CA8: variants seen among roughly 807,000 people sequenced by gnomAD.
CA8 encodes carbonic anhydrase 8 (inactive).
In CA8, 22 loss-of-function variants were observed where a neutral mutation model predicts 41.4. That is an observed-to-expected ratio of 0.53 (90% CI 0.38 to 0.76). The LOEUF (loss-of-function observed/expected upper bound fraction) is 0.76, where lower values mean the gene tolerates loss of function less well. Among genes scored for constraint, CA8 ranks in the 30% least tolerant of loss-of-function variants. CA8 has a pLI of 0.00. For synonymous variants in CA8, 121 were observed against 130.6 expected (o/e 0.93, Z 0.50); for missense variants, 270 against 352.8 (o/e 0.77, Z 1.88).
At chr8:60,222,144 G>C (rs904214631) in intron 7 of CA8, among the ~76,000 whole-genome samples, 3 of 152,128 alleles carry the variant, frequency 2.0e-5, no homozygotes, top group African/African-American at 7.2e-5. Flanking sequence ...TACCATTTAG[G>C]GCACCTATGA....
chr8:60,226,354 G>C lies in CA8; in HGVS notation c.576+519C>G, dbSNP rs548025341. On this transcript the variant is annotated intron_variant, in intron 5 of 8. Transcript: ENST00000317995. ...AGCCTTGGGCCATCCTGTATTTATG[G>C]TGAACTCCTGTTGTTACATGTCTGA... Among the ~76,000 whole-genome samples, 3 of 152,218 alleles carry C rather than the reference G, an allele frequency of 2.0e-5. No homozygotes were observed. In the East Asian group the frequency reaches 5.8e-4, roughly 29 times the overall value.
intron 7 of CA8, among the ~76,000 whole-genome samples, chr8:60,215,358 TAC>T (rs144232916): frequency 0.11 from 15,498 of 143,984 alleles, 890 homozygotes; most frequent in East Asian, 0.17. Context: ...TGTGTGTGTA[TAC>T]ACACACACAC....
intron 3 of CA8, among the ~76,000 whole-genome samples, chr8:60,241,069 A>G (rs1423771289): frequency 6.6e-6 from 1 of 152,236 alleles, no homozygotes; most frequent in African/African-American, 2.4e-5. Context: ...AGATCCACTC[A>G]TAATTATATG....
intron 5 of CA8, 83 bp from the exon 6 acceptor site, chr8:60,224,668 T>G (rs555520518): frequency 2.3e-6 from 2 of 865,454 alleles, no homozygotes; most frequent in African/African-American, 3.4e-5. Context: ...ACTAAAAAAT[T>G]AGAATGAAGT....
chr8:60,227,086 T>C, intron 4 of CA8, 151 bp from the exon 5 acceptor site: 1 of 698,484 alleles, frequency 1.4e-6, no homozygotes, highest in Non-Finnish European at 2.7e-6. Context: ...GGTTAGGAGA[T>C]CGAGGCCATC....
In CA8 at chr8:60,186,416, T is replaced by C. The variant is rs1179806347; in HGVS notation, c.*3605A>G. Among the ~76,000 whole-genome samples the C allele has an allele frequency of 6.7e-6, 1 of 148,226 alleles. No individual in the cohort carries two copies. Among genetic ancestry groups the C allele is most frequent in the African/African-American group, 2.5e-5 (1 of 40,276 alleles). Reference sequence around the variant, plus strand: ...AATATACTCAAAAAAATGAAAAAAATAATTAAAGCAATTGAAATATACTAG... The same window carrying C: ...AATATACTCAAAAAAATGAAAAAAACAATTAAAGCAATTGAAATATACTAG... On this transcript the variant is annotated 3_prime_UTR_variant, in exon 9 of 9. Coordinates refer to ENST00000317995, the MANE Select transcript of CA8 (RefSeq NM_004056.6).
At chr8:60,237,203 A>G (rs1309564944) in intron 3 of CA8, among the ~76,000 whole-genome samples, 1 of 152,242 alleles carries the variant, frequency 6.6e-6, no homozygotes, top group African/African-American at 2.4e-5. Context: ...GAACTTCACT[A>G]GTCACTAACT....
chr8:60,231,346 A>C (rs2130493134), intron 4 of CA8, among the ~76,000 whole-genome samples: 1 of 152,266 alleles, frequency 6.6e-6, no homozygotes, highest in South Asian at 2.1e-4. Context: ...AAATATTAAG[A>C]GCCTAAACTG....
chr8:60,213,377 A>G (rs1031422130), intron 7 of CA8, among the ~76,000 whole-genome samples: 1 of 152,270 alleles, frequency 6.6e-6, no homozygotes, highest in Admixed American at 6.5e-5. Context: ...TACAGATTAG[A>G]GAGCTCACAA....
At chr8:60,278,860 G>A (rs1804322593) in intron 2 of CA8, among the ~76,000 whole-genome samples, 1 of 152,146 alleles carries the variant, frequency 6.6e-6, no homozygotes, top group Non-Finnish European at 1.5e-5. Context: ...TAATTTTCGA[G>A]CACAGTCTCT....
chr8:60,205,134 A>C (rs1005768490), intron 8 of CA8, among the ~76,000 whole-genome samples: 1 of 152,182 alleles, frequency 6.6e-6, no homozygotes, highest in Non-Finnish European at 1.5e-5. Flanking sequence ...ATGCTTGCTG[A>C]ATAACCCCAT....
intron 8 of CA8, among the ~76,000 whole-genome samples, chr8:60,197,385 C>A (rs1806310378): frequency 6.6e-6 from 1 of 150,956 alleles, no homozygotes; most frequent in African/African-American, 2.4e-5. Flanking sequence ...GGTCAATGGA[C>A]AATCATAATG....
At chr8:60,239,661 C>T (rs541764346) in intron 3 of CA8, among the ~76,000 whole-genome samples, 19 of 152,252 alleles carry the variant, frequency 1.2e-4, no homozygotes, top group African/African-American at 3.4e-4. Context: ...TGGATTGATA[C>T]GGTTTGGCTG....
At chr8:60,200,618 A>C (rs914456875) in intron 8 of CA8, among the ~76,000 whole-genome samples, 1 of 152,214 alleles carries the variant, frequency 6.6e-6, no homozygotes, top group Non-Finnish European at 1.5e-5. Context: ...ATATCAGTAG[A>C]TCTAATGTAG....
At chr8:60,213,489 A>G (rs1301344123) in intron 7 of CA8, among the ~76,000 whole-genome samples, 2 of 152,240 alleles carry the variant, frequency 1.3e-5, no homozygotes, top group Non-Finnish European at 2.9e-5. Context: ...GGGAAGAAAG[A>G]GTCTCCCCAG....
intron 3 of CA8, 127 bp downstream of exon 3, chr8:60,265,798 A>C: frequency 9.3e-7 from 1 of 1,074,960 alleles, no homozygotes; most frequent in Non-Finnish European, 1.4e-6. Flanking sequence ...AGCATTTTTT[A>C]AATTTTAGTA....
At chr8:60,232,788 C>T (rs6987086) in intron 3 of CA8, 176,585 of 191,632 alleles carry the variant, frequency 0.92, 81,697 homozygotes, top group African/African-American at 0.97. Flanking sequence ...TCACCCAGTA[C>T]TTCCATCAGG....
rs1805960446 is a variant in CA8 at position 60,186,247 on chromosome 8, C to G, written c.*3774G>C. Among the ~76,000 whole-genome samples, 1 of 151,466 alleles carries G rather than the reference C, an allele frequency of 6.6e-6. No individual in the cohort carries two copies. Among genetic ancestry groups the G allele is most frequent in the Admixed American group, 6.6e-5 (1 of 15,230 alleles). On this transcript the variant is annotated 3_prime_UTR_variant, in exon 9 of 9. Coordinates refer to ENST00000317995, the MANE Select transcript of CA8 (RefSeq NM_004056.6). Reference sequence around the variant, plus strand: ...GCATGTATAGATGTAATATGTATAACAATAATAGCACAAAAAGGGAGAAGA... The same window carrying G: ...GCATGTATAGATGTAATATGTATAAGAATAATAGCACAAAAAGGGAGAAGA...
intron 8 of CA8, among the ~76,000 whole-genome samples, chr8:60,207,344 T>C (rs1806629121): frequency 6.6e-6 from 1 of 152,212 alleles, no homozygotes; most frequent in Admixed American, 6.5e-5. Flanking sequence ...ACATATACAA[T>C]GTCTACACCC....
Sources: allele counts gnomAD v4.1 joint callset (sites outside exome capture counted in the v4.1 genomes callset), GRCh38; gene constraint gnomAD v4.1.1; transcripts MANE v1.5; gene names NCBI Gene and HGNC (gene_info 2026-07-23, HGNC 2026-07-21).